WSCD2: variants seen among roughly 807,000 people sequenced by gnomAD.
WSCD2 encodes the protein sialate:O-sulfotransferase 2.
A neutral mutation model predicts 55.7 loss-of-function variants in WSCD2; 28 were observed. The ratio of observed to expected loss-of-function variants is 0.50; its 90% CI spans 0.37 to 0.69. WSCD2 has a LOEUF of 0.69. Ranked by LOEUF, WSCD2 falls within the 30% of genes least tolerant of loss-of-function variation. The probability of loss-of-function intolerance (pLI) is 0.00; values close to 1 mark genes in which losing one functional copy is unlikely to be tolerated. For missense variants in WSCD2, 616 were observed against 762.1 expected (o/e 0.81, Z 2.26); for synonymous variants, 301 against 301.9 (o/e 1.00, Z 0.03).
intron 1 of WSCD2, among the ~76,000 whole-genome samples, chr12:108,163,124 G>C (rs992314651): frequency 6.6e-6 from 1 of 152,166 alleles, no homozygotes; most frequent in African/African-American, 2.4e-5. Flanking sequence ...GAATCCAGAT[G>C]GGTCTGATCT....
chr12:108,135,297 T>C (rs1876071713), intron 1 of WSCD2, among the ~76,000 whole-genome samples: 1 of 152,236 alleles, frequency 6.6e-6, no homozygotes, highest in African/African-American at 2.4e-5. Flanking sequence ...ACCCCAGCTC[T>C]GTCTTCAATG....
intron 1 of WSCD2, among the ~76,000 whole-genome samples, chr12:108,185,924 A>C (rs1275679006): frequency 6.6e-6 from 1 of 152,216 alleles, no homozygotes; most frequent in East Asian, 1.9e-4. Flanking sequence ...GTCCCTTCAG[A>C]AGTCCCTCTT....
At chr12:108,157,128 G>A (rs1405207935) in intron 1 of WSCD2, among the ~76,000 whole-genome samples, 7 of 152,236 alleles carry the variant, frequency 4.6e-5, no homozygotes, top group Middle Eastern at 3.4e-3. Flanking sequence ...TGGTTTCTTC[G>A]TTGTTTGTTT....
intron 6 of WSCD2, among the ~76,000 whole-genome samples, chr12:108,230,891 A>G (rs1335311030): frequency 6.6e-6 from 1 of 152,208 alleles, no homozygotes; most frequent in Non-Finnish European, 1.5e-5. Context: ...AGTAGATAGA[A>G]GGGAGGAAAC....
intron 7 of WSCD2, among the ~76,000 whole-genome samples, chr12:108,233,517 C>T (rs1019523570): frequency 2.6e-5 from 4 of 152,328 alleles, no homozygotes; most frequent in African/African-American, 9.6e-5. Flanking sequence ...TCTCTTGGCA[C>T]CTAGTAGGTG....
chr12:108,247,957 C>A, intron 8 of WSCD2, 34 bp from the exon 9 acceptor site: 1 of 1,591,874 alleles, frequency 6.3e-7, no homozygotes, highest in Non-Finnish European at 8.6e-7. Context: ...AACTCCTCCT[C>A]CCTCTGACTG....
At chr12:108,173,045 G>A (rs1050084400) in intron 1 of WSCD2, among the ~76,000 whole-genome samples, 7 of 151,924 alleles carry the variant, frequency 4.6e-5, no homozygotes, top group East Asian at 1.9e-4. Context: ...ACCAGGAATC[G>A]GGGCCTCCAC....
chr12:108,197,926 C>T (rs1884139159), intron 2 of WSCD2, among the ~76,000 whole-genome samples: 2 of 149,502 alleles, frequency 1.3e-5, no homozygotes, highest in Admixed American at 6.7e-5. Flanking sequence ...TATGCAGTGC[C>T]TTCTATCTGG....
intron 4 of WSCD2, among the ~76,000 whole-genome samples, chr12:108,214,114 A>G (rs1886546888): frequency 6.6e-6 from 1 of 152,220 alleles, no homozygotes; most frequent in African/African-American, 2.4e-5. Context: ...AAGAGAAATG[A>G]GCGAACACTC....
chr12:108,207,907 C>A (rs1285036914), intron 3 of WSCD2, among the ~76,000 whole-genome samples: 1 of 152,020 alleles, frequency 6.6e-6, no homozygotes, highest in Non-Finnish European at 1.5e-5. Context: ...TCACAGCCGG[C>A]AAGGGGAGAC....
chr12:108,231,728 G>A (rs1480833075), intron 6 of WSCD2, among the ~76,000 whole-genome samples: 1 of 152,206 alleles, frequency 6.6e-6, no homozygotes, highest in African/African-American at 2.4e-5. Flanking sequence ...ACCAGATATT[G>A]TGGAAACTTT....
intron 1 of WSCD2, among the ~76,000 whole-genome samples, chr12:108,176,813 TG>T (rs1457050765): frequency 5.5e-4 from 44 of 79,602 alleles, no homozygotes; most frequent in African/African-American, 1.3e-3. Context: ...TTTTTGTTTT[TG>T]TTTTTTTTTA....
chr12:108,163,520 TA>T (rs146435023), intron 1 of WSCD2, among the ~76,000 whole-genome samples: 1 of 152,334 alleles, frequency 6.6e-6, no homozygotes, highest in East Asian at 1.9e-4. Flanking sequence ...TTAAGCATGG[TA>T]AGAGGTACTT....
intron 1 of WSCD2, among the ~76,000 whole-genome samples, chr12:108,144,666 G>T (rs931128834): frequency 6.6e-6 from 1 of 152,094 alleles, no homozygotes; most frequent in Non-Finnish European, 1.5e-5. Context: ...AGCATGATAG[G>T]TACACAACAA....
At chr12:108,215,383 C>T (rs1886705166) in intron 4 of WSCD2, among the ~76,000 whole-genome samples, 2 of 152,144 alleles carry the variant, frequency 1.3e-5, no homozygotes, top group South Asian at 4.1e-4. Flanking sequence ...AAGACAATCC[C>T]AATCTTTCAC....
chr12:108,179,071 G>A (rs1881299256), intron 1 of WSCD2, among the ~76,000 whole-genome samples: 1 of 152,178 alleles, frequency 6.6e-6, no homozygotes, highest in South Asian at 2.1e-4. Flanking sequence ...TCCCCTCACT[G>A]AGGATCAAAC....
At position 108,221,384 on chromosome 12, in the gene WSCD2, A is replaced by C. The variant is rs542587534; in HGVS notation, c.683-3355A>C. Reference sequence around the variant, plus strand: ...AGCCTGGCCAACAGGGTTAAACCCCATCTCTACTAAAAATACAAAAATTGA... The same window carrying C: ...AGCCTGGCCAACAGGGTTAAACCCCCTCTCTACTAAAAATACAAAAATTGA... On this transcript the variant is annotated intron_variant, in intron 4 of 8. Coordinates refer to ENST00000547525, the MANE Select transcript of WSCD2 (RefSeq NM_014653.4). 2.6e-5 allele frequency among the ~76,000 whole-genome samples: 4 copies of C among 152,246 alleles called. No individual in the cohort carries two copies. In the East Asian group the frequency reaches 7.7e-4, roughly 29 times the overall value.
chr12:108,192,057 C>G (rs1234063657), intron 1 of WSCD2, among the ~76,000 whole-genome samples: 1 of 152,178 alleles, frequency 6.6e-6, no homozygotes, highest in Non-Finnish European at 1.5e-5. Flanking sequence ...CAGAAATATC[C>G]TGAGAGAGGC....
At chr12:108,201,643 G>T (rs545406523) in intron 2 of WSCD2, among the ~76,000 whole-genome samples, 2 of 152,158 alleles carry the variant, frequency 1.3e-5, no homozygotes, top group South Asian at 4.1e-4. Flanking sequence ...GCAGCATCAT[G>T]TGTGGGATTT....
Sources: allele counts gnomAD v4.1 joint callset (sites outside exome capture counted in the v4.1 genomes callset), GRCh38; gene constraint gnomAD v4.1.1; transcripts MANE v1.5; gene names NCBI Gene and HGNC (gene_info 2026-07-23, HGNC 2026-07-21).